CMIP: variants seen among roughly 807,000 people sequenced by gnomAD.
CMIP encodes the protein C-Maf-inducing protein.
A neutral mutation model predicts 97.3 loss-of-function variants in CMIP; 13 were observed. The observed-to-expected ratio is 0.13, with a 90% CI of 0.09 to 0.21. The LOEUF (loss-of-function observed/expected upper bound fraction) is 0.21, where lower values mean the gene tolerates loss of function less well. CMIP is among the 10% of genes least tolerant of loss of function. CMIP has a pLI of 1.00. For synonymous variants in CMIP, 538 were observed against 436.3 expected, an observed-to-expected ratio of 1.23 and a Z score of -2.91; for missense variants, 847 against 1,024.9, an observed-to-expected ratio of 0.83 and a Z score of 2.37.
At chr16:81,536,430 A>G (rs992316659) in intron 1 of CMIP, among the ~76,000 whole-genome samples, 1 of 152,198 alleles carries the variant, frequency 6.6e-6, no homozygotes, top group Non-Finnish European at 1.5e-5. Context: ...GATCGTCAGG[A>G]TAAGAATATT....
chr16:81,678,123 G>A (rs1017776987), intron 9 of CMIP, among the ~76,000 whole-genome samples, 152 bp from the exon 10 acceptor site: 2 of 152,216 alleles, frequency 1.3e-5, no homozygotes, highest in African/African-American at 4.8e-5. Flanking sequence ...CACCCAGGCT[G>A]AGCCTCAGTT....
chr16:81,634,333 C>G (rs961797915), intron 3 of CMIP, among the ~76,000 whole-genome samples: 1 of 152,230 alleles, frequency 6.6e-6, no homozygotes, highest in African/African-American at 2.4e-5. Flanking sequence ...GAACACGAGT[C>G]TGACTCTCAG....
intron 3 of CMIP, among the ~76,000 whole-genome samples, chr16:81,629,847 G>C (rs991613906): frequency 2.6e-5 from 4 of 152,204 alleles, no homozygotes; most frequent in Admixed American, 2.6e-4. Flanking sequence ...CCTTCGGGTC[G>C]TTCCCAGCTT....
chr16:81,449,681 T>C (rs972513996), intron 1 of CMIP, among the ~76,000 whole-genome samples: 10 of 134,764 alleles, frequency 7.4e-5, no homozygotes, highest in African/African-American at 2.7e-4. Flanking sequence ...CCCCCCCCCC[T>C]TTCCATGCCA....
chr16:81,531,337 C>G (rs2090231700), intron 1 of CMIP, among the ~76,000 whole-genome samples: 1 of 152,182 alleles, frequency 6.6e-6, no homozygotes, highest in African/African-American at 2.4e-5. Context: ...TGCCTCAGAG[C>G]CTCCGGAGGA....
At chr16:81,597,597 G>A (rs1049515678) in intron 1 of CMIP, among the ~76,000 whole-genome samples, 11 of 147,308 alleles carry the variant, frequency 7.5e-5, no homozygotes, top group African/African-American at 1.8e-4. Flanking sequence ...GGGGAGCGGG[G>A]GGGGGGGAGT....
chr16:81,638,440 C>A (rs557756515), intron 3 of CMIP, among the ~76,000 whole-genome samples: 3 of 152,116 alleles, frequency 2.0e-5, no homozygotes, highest in Middle Eastern at 3.4e-3. Flanking sequence ...GGCCCACCCC[C>A]ACCTGCACGG....
chr16:81,645,429 C>A, intron 3 of CMIP: 1 of 1,498,052 alleles, frequency 6.7e-7, no homozygotes. Flanking sequence ...CCTGGCGCGA[C>A]GTGCTTCCAG....
intron 1 of CMIP, among the ~76,000 whole-genome samples, chr16:81,550,198 A>G (rs576326787): frequency 6.6e-6 from 1 of 152,336 alleles, no homozygotes; most frequent in Non-Finnish European, 1.5e-5. Flanking sequence ...CCTGAATTTA[A>G]TACCCAGCTT....
chr16:81,626,514 T>C (rs2092067377), intron 3 of CMIP, among the ~76,000 whole-genome samples: 1 of 147,384 alleles, frequency 6.8e-6, no homozygotes, highest in Non-Finnish European at 1.5e-5. Context: ...ACTGAGCATG[T>C]GTGTGTGTGG....
intron 1 of CMIP, among the ~76,000 whole-genome samples, chr16:81,585,444 A>G (rs995735372): frequency 6.6e-6 from 1 of 152,170 alleles, no homozygotes. Context: ...CATCACCTCA[A>G]AAGGAAACCC....
In CMIP at chr16:81,445,224, C is replaced by G. The variant is rs1329209006; in HGVS notation, c.-18C>G. 6.7e-7 allele frequency: 1 copy of G among 1,500,958 alleles called. No homozygotes were observed. The highest frequency in any genetic ancestry group is 2.1e-5 in the Admixed American group (1 of 48,554). The allele number at this position is 1,500,958 out of a possible 1,614,324, so 93.0% of individuals were successfully genotyped here. A position where few individuals can be genotyped will look rare whatever the true frequency, so the allele number is the denominator to read the frequency against. On this transcript the variant is annotated 5_prime_UTR_variant, in exon 1 of 21. Coordinates refer to ENST00000537098, the MANE Select transcript of CMIP (RefSeq NM_198390.3). ...CAGCCCCCTCTCCCCGCCCCCAGCC[C>G]CCTCCCCCGGCGCGGCCATGGATGT... is the stretch of plus-strand genomic sequence containing the variant.
chr16:81,480,567 T>C (rs534587034), intron 1 of CMIP, among the ~76,000 whole-genome samples: 4 of 152,140 alleles, frequency 2.6e-5, no homozygotes, highest in Admixed American at 2.6e-4. Context: ...TCCACCTGAG[T>C]CCAAAGCCCT....
chr16:81,683,459 C>T (rs1455443600), intron 10 of CMIP, among the ~76,000 whole-genome samples: 2 of 152,088 alleles, frequency 1.3e-5, no homozygotes, highest in East Asian at 1.9e-4. Context: ...GCAGTAGTTC[C>T]GCTCACTGCA....
In CMIP at chr16:81,613,814, C is replaced by T. The variant is rs149074158; in HGVS notation, c.426+6122C>T. 3.7e-3 allele frequency among the ~76,000 whole-genome samples: 556 copies of T among 152,310 alleles called. 5 individuals are homozygous for T. Among genetic ancestry groups the T allele is most frequent in the Non-Finnish European group, 3.6e-3 (247 of 68,026 alleles). On this transcript the variant is annotated intron_variant, in intron 2 of 20. Transcript: ENST00000537098. ...TCTATCCGCCCACCCATCCATTTAT[C>T]CATCAGACTGTCCATCTGTCTTATC... is the stretch of plus-strand genomic sequence containing the variant.
At chr16:81,569,344 C>G (rs1031028000) in intron 1 of CMIP, among the ~76,000 whole-genome samples, 7 of 152,188 alleles carry the variant, frequency 4.6e-5, no homozygotes, top group Non-Finnish European at 7.3e-5. Flanking sequence ...GCGAGGTACC[C>G]CAGTAGGTAA....
At chr16:81,674,546 G>A (rs577466446) in intron 9 of CMIP, among the ~76,000 whole-genome samples, 1 of 152,282 alleles carries the variant, frequency 6.6e-6, no homozygotes, top group African/African-American at 2.4e-5. Flanking sequence ...AGTAGCTGTG[G>A]TGAGTATTTA....
intron 3 of CMIP, among the ~76,000 whole-genome samples, chr16:81,629,134 T>TAAAAAAAAAA (rs10533097): frequency 6.6e-5 from 3 of 45,682 alleles, no homozygotes; most frequent in African/African-American, 1.5e-4. Context: ...AAACTGTGCT[T>TAAAAAAAAAA]AAAAAAAAAA....
chr16:81,560,466 C>A (rs1338752221), intron 1 of CMIP, among the ~76,000 whole-genome samples: 2 of 152,306 alleles, frequency 1.3e-5, no homozygotes, highest in East Asian at 3.9e-4. Context: ...GATCCGCCCG[C>A]CTCGGCCTCC....
Sources: gnomAD v4.1 joint callset for allele counts (sites outside exome capture counted in the v4.1 genomes callset) on GRCh38, gnomAD v4.1.1 for gene constraint, MANE v1.5 for transcripts, NCBI Gene and HGNC (gene_info 2026-07-23, HGNC 2026-07-21) for gene names.